The following GAPVD1 variants were observed in gnomAD, a reference collection of about 807,000 sequenced individuals.
GAPVD1 encodes GTPase activating protein and VPS9 domains 1.
In GAPVD1, 35 loss-of-function variants were observed where a neutral mutation model predicts 155.5. The observed-to-expected ratio is 0.23, with a 90% CI of 0.17 to 0.30. The LOEUF is 0.30. GAPVD1 is among the 10% of genes least tolerant of loss of function. GAPVD1 has a pLI of 1.00. For missense variants in GAPVD1, 1,429 were observed against 1,775.7 expected (o/e 0.80, Z 3.51); for synonymous variants, 636 against 619.7 (o/e 1.03, Z -0.39).
At chr9:125,328,984 G>T (rs1377215039) in intron 12 of GAPVD1, among the ~76,000 whole-genome samples, 1 of 151,922 alleles carries the variant, frequency 6.6e-6, no homozygotes, top group African/African-American at 2.4e-5. Context: ...CCAGTCAGGC[G>T]TGGCGGCGCG....
intron 23 of GAPVD1, among the ~76,000 whole-genome samples, chr9:125,352,373 G>A (rs926998925): frequency 2.0e-5 from 3 of 152,222 alleles, no homozygotes; most frequent in Admixed American, 6.5e-5. Flanking sequence ...TGAAATCTAG[G>A]TGGAGGTTCC....
chr9:125,262,835 G>A (rs1833157243), intron 1 of GAPVD1, among the ~76,000 whole-genome samples: 1 of 152,086 alleles, frequency 6.6e-6, no homozygotes. Flanking sequence ...CTTCAGTTAC[G>A]AATGTGGACA....
rs1833369670 is a variant in GAPVD1 at position 125,263,763 on chromosome 9, A to G, written c.-199+1804A>G. ...CAGCTTCCCCTCTTGTGAGTCTCGC[A>G]GGTCACTCACCCTCCAGACCTTTAG... is the stretch of plus-strand genomic sequence containing the variant. On this transcript the variant is annotated intron_variant, in intron 1 of 27. Coordinates refer to ENST00000297933, the MANE Select transcript of GAPVD1 (RefSeq NM_001282680.3). 6.5e-6 allele frequency: 6 copies of G among 928,042 alleles called. No homozygotes were observed. The African/African-American group carries it at 8.0e-5, about 12-fold the overall frequency. 57.5% of individuals were successfully genotyped at this position (928,042 alleles called of 1,614,324 possible).
chr9:125,346,842 G>A lies in GAPVD1; in HGVS notation c.3070G>A (p.Ala1024Thr). The part of the protein sequence containing the change: ...LTDDPSPRLS[A>T]QAQVAEDILD... Reference sequence around the variant, plus strand: ...AGATGATCCCAGCCCTAGACTCAGTGCACAAGCTCAGGTGGCTGAGGATAT... The same window carrying A: ...AGATGATCCCAGCCCTAGACTCAGTACACAAGCTCAGGTGGCTGAGGATAT... Residue 1024 changes from alanine to threonine, a missense_variant, in exon 20 of 28, where the codon GCA becomes ACA. Ala to Thr is a moderately conservative substitution (Grantham distance 58). This residue lies in a region of GAPVD1 where 699 missense variants were observed against 826.0 expected (regional missense o/e 0.85). Transcript: ENST00000297933. 6.2e-7 allele frequency: 1 copy of A among 1,614,082 alleles called. No individual in the cohort carries two copies. The highest frequency in any genetic ancestry group is 8.5e-7 in the Non-Finnish European group (1 of 1,179,950).
chr9:125,302,119 C>T lies in GAPVD1; in HGVS notation c.322C>T (p.Arg108Cys), dbSNP rs372480911. Residue 108 changes from arginine (R) to cysteine (C), a missense_variant, in exon 5 of 28, where the codon CGT becomes TGT. By Grantham distance (180) the Arg-to-Cys change is radical. This residue lies in a region of GAPVD1 where 628 missense variants were observed against 733.4 expected (regional missense o/e 0.86). Transcript: ENST00000297933. The part of the protein sequence containing the change: ...EFLSRLRENP[R>C]LIASSLVAGE... ...CTTGAGTCGATTGAGGGAAAATCCT[C>T]GTCTTATTGCCTCCTCTTTGGTTGC... is the stretch of plus-strand genomic sequence containing the variant. 1.1e-5 allele frequency: 18 copies of T among 1,613,706 alleles called. No individual in the cohort carries two copies. The highest frequency in any genetic ancestry group is 4.0e-5 in the African/African-American group (3 of 74,860).
At chr9:125,293,887 T>G (rs1434638352) in intron 2 of GAPVD1, among the ~76,000 whole-genome samples, 1 of 83,308 alleles carries the variant, frequency 1.2e-5, no homozygotes, top group Non-Finnish European at 2.2e-5. Flanking sequence ...TATATATATA[T>G]ATATATATAT....
Position 125,302,520 on chromosome 9 carries a change from T to G in GAPVD1, c.723T>G (p.Asp241Glu). Residue 241 changes from aspartate (D) to glutamate (E), a missense_variant, in exon 5 of 28, where the codon GAT becomes GAG. This residue lies in a region of GAPVD1 where 628 missense variants were observed against 733.4 expected (regional missense o/e 0.86). Transcript: ENST00000297933. ...AACTCTTTGGAGAGAAGGGCTCAGA[T>G]AGATTCAGGCAAAAAGTTCAAGAAA... ...QEKLFGEKGS[D>E]RFRQKVQEMV... 1 of 1,614,002 alleles carries G rather than the reference T, an allele frequency of 6.2e-7. No individual in the cohort carries two copies. Among genetic ancestry groups the G allele is most frequent in the Non-Finnish European group, 8.5e-7 (1 of 1,179,972 alleles).
rs1554757135 is a variant in GAPVD1 at position 125,293,866 on chromosome 9, A to ATTT, written c.-149-1591_-149-1590insTTT. Reference sequence around the variant, plus strand: ...AAAAATATATTTTATATATATATATATATATATATATATATATATATATAT... The same window carrying ATTT: ...AAAAATATATTTTATATATATATATATTTTATATATATATATATATATATATAT... On this transcript the variant is annotated intron_variant, in intron 2 of 27. Coordinates refer to ENST00000297933, the MANE Select transcript of GAPVD1 (RefSeq NM_001282680.3). Among the ~76,000 whole-genome samples, 32 of 17,544 alleles carry ATTT rather than the reference A, an allele frequency of 1.8e-3. 2 individuals are homozygous for ATTT. The highest frequency in any genetic ancestry group is 0.013 in the African/African-American group (32 of 2,394). 11.5% of individuals were successfully genotyped at this position (17,544 alleles called of 152,430 possible).
intron 23 of GAPVD1, among the ~76,000 whole-genome samples, chr9:125,352,598 G>C (rs778083636): frequency 6.6e-6 from 1 of 152,210 alleles, no homozygotes; most frequent in Non-Finnish European, 1.5e-5. Context: ...TTTCCTCCTA[G>C]GCCTCTGGGC....
intron 9 of GAPVD1, among the ~76,000 whole-genome samples, chr9:125,319,544 G>A (rs950395167): frequency 6.8e-6 from 1 of 147,088 alleles, no homozygotes; most frequent in Admixed American, 6.8e-5. Context: ...GATTACAGGT[G>A]TGTGCCACGA....
At chr9:125,281,316 A>AT (rs1051509091) in intron 2 of GAPVD1, among the ~76,000 whole-genome samples, 2 of 152,030 alleles carry the variant, frequency 1.3e-5, no homozygotes, top group African/African-American at 2.4e-5. Flanking sequence ...GTAGACTTAA[A>AT]TTTTTTTTAT....
At chr9:125,321,901 G>A (rs1414043532) in intron 10 of GAPVD1, among the ~76,000 whole-genome samples, 1 of 152,036 alleles carries the variant, frequency 6.6e-6, no homozygotes, top group East Asian at 1.9e-4. Context: ...GGGAAAAAAT[G>A]GACTTACTAG....
intron 2 of GAPVD1, among the ~76,000 whole-genome samples, chr9:125,276,541 T>C (rs1835820253): frequency 1.3e-5 from 2 of 152,022 alleles, no homozygotes; most frequent in Admixed American, 1.3e-4. Context: ...ATACAAAAAT[T>C]AGCTGAGCGT....
At chr9:125,334,039 A>G (rs1266181079) in intron 15 of GAPVD1, among the ~76,000 whole-genome samples, 3 of 152,162 alleles carry the variant, frequency 2.0e-5, no homozygotes, top group Non-Finnish European at 4.4e-5. Flanking sequence ...ATCAAGAACC[A>G]CTGTTCTAAA....
At chr9:125,279,744 A>G (rs1043165476) in intron 2 of GAPVD1, among the ~76,000 whole-genome samples, 1 of 151,612 alleles carries the variant, frequency 6.6e-6, no homozygotes, top group Non-Finnish European at 1.5e-5. Context: ...TTACTATTTG[A>G]ACTATTATTT....
chr9:125,352,353 A>G (rs1048459693), intron 23 of GAPVD1, among the ~76,000 whole-genome samples: 6 of 152,146 alleles, frequency 3.9e-5, no homozygotes, highest in Non-Finnish European at 7.3e-5. Flanking sequence ...AGGCGTTTCT[A>G]TACATCTTTT....
chr9:125,294,657 T>TG (rs1465374265), intron 2 of GAPVD1, among the ~76,000 whole-genome samples: 2 of 151,706 alleles, frequency 1.3e-5, no homozygotes, highest in Non-Finnish European at 2.9e-5. Context: ...AAATGGTTTT[T>TG]TTTTTTTTTT....
chr9:125,346,703 T>A, intron 19 of GAPVD1, 116 bp from the exon 20 acceptor site: 1 of 826,320 alleles, frequency 1.2e-6, no homozygotes, highest in South Asian at 1.4e-5. Context: ...AGATATGTGC[T>A]CTTTTTAAGT....
chr9:125,321,341 A>G lies in GAPVD1; in HGVS notation c.1603-92A>G, dbSNP rs1844310818. Reference sequence around the variant, plus strand: ...TTTGTAGTTAAAAATTGATAATTTAAGATTAAGGAGTTAAATATGCATTTG... The same window carrying G: ...TTTGTAGTTAAAAATTGATAATTTAGGATTAAGGAGTTAAATATGCATTTG... On this transcript the variant is annotated intron_variant, in intron 9 of 27. Coordinates refer to ENST00000297933, the MANE Select transcript of GAPVD1 (RefSeq NM_001282680.3). 8.4e-6 allele frequency: 7 copies of G among 831,588 alleles called. No homozygotes were observed. In the South Asian group the frequency reaches 1.1e-4, roughly 14 times the overall value. 51.5% of individuals were successfully genotyped at this position (831,588 alleles called of 1,614,324 possible).
Sources: allele counts gnomAD v4.1 joint callset (sites outside exome capture counted in the v4.1 genomes callset), GRCh38; gene constraint gnomAD v4.1.1; regional missense constraint gnomAD v4.1.1; transcripts MANE v1.5; gene names NCBI Gene and HGNC (gene_info 2026-07-23, HGNC 2026-07-21).